Variants in TMEM132D observed in about 807,000 individuals in gnomAD.
TMEM132D encodes the protein transmembrane protein 132D.
TMEM132D carries 21 observed loss-of-function variants against 62.3 expected under a neutral mutation model. That is an observed-to-expected ratio of 0.34 (90% CI 0.24 to 0.49). The LOEUF is 0.49. Among genes scored for constraint, TMEM132D ranks in the 20% least tolerant of loss-of-function variants. The probability of loss-of-function intolerance (pLI) is 0.99; values close to 1 mark genes in which losing one functional copy is unlikely to be tolerated. For missense variants in TMEM132D, 1,346 were observed against 1,402.8 expected (o/e 0.96, Z 0.65); for synonymous variants, 621 against 575.6 (o/e 1.08, Z -1.13).
At chr12:129,490,423 C>CTTTTTTT (rs11311745) in intron 3 of TMEM132D, among the ~76,000 whole-genome samples, 7 of 58,550 alleles carry the variant, frequency 1.2e-4, no homozygotes, top group African/African-American at 3.0e-4. Flanking sequence ...ATTTCCTTTC[C>CTTTTTTT]TTTTTTTTTT....
chr12:129,839,117 ATTTTTTTTTTTTTTTT>A (rs71085578), intron 1 of TMEM132D, among the ~76,000 whole-genome samples: 609 of 20,750 alleles, frequency 0.029, 50 homozygotes, highest in African/African-American at 0.097. Context: ...CGCCTGGCTA[ATTTTTTTTTTTTTTTT>A]TTTTTTTTTT....
chr12:129,745,872 C>A (rs974614550), intron 1 of TMEM132D, among the ~76,000 whole-genome samples: 7 of 152,158 alleles, frequency 4.6e-5, no homozygotes, highest in Admixed American at 1.3e-4. Context: ...GTCTCTGATT[C>A]TGTGTGGATC....
chr12:129,147,634 C>T (rs4964848), intron 5 of TMEM132D, among the ~76,000 whole-genome samples: 35,609 of 151,990 alleles, frequency 0.23, 4,326 homozygotes, highest in South Asian at 0.33. Context: ...ACAACGTATT[C>T]GTGTTAGACA....
intron 4 of TMEM132D, among the ~76,000 whole-genome samples, chr12:129,324,552 CA>C (rs34619981): frequency 0.18 from 27,636 of 152,122 alleles, 3,396 homozygotes; most frequent in Non-Finnish European, 0.27. Flanking sequence ...AAGTGATGGT[CA>C]GGGGCAGTGG....
intron 2 of TMEM132D, among the ~76,000 whole-genome samples, chr12:129,554,774 G>T (rs981628979): frequency 6.6e-6 from 1 of 152,124 alleles, no homozygotes; most frequent in African/African-American, 2.4e-5. Flanking sequence ...GAGGCCAAAG[G>T]CTTAGGAGCA....
At chr12:129,492,836 T>C (rs77768221) in intron 3 of TMEM132D, among the ~76,000 whole-genome samples, 1 of 152,102 alleles carries the variant, frequency 6.6e-6, no homozygotes, top group Non-Finnish European at 1.5e-5. Flanking sequence ...CTTCCTGTAC[T>C]CTAAGGCTGG....
At chr12:129,471,660 C>T (rs1262188135) in intron 3 of TMEM132D, among the ~76,000 whole-genome samples, 1 of 152,188 alleles carries the variant, frequency 6.6e-6, no homozygotes, top group African/African-American at 2.4e-5. Context: ...ATGAGGAAGG[C>T]ATGTCAAAAG....
Position 129,696,958 on chromosome 12 carries a change from G to A in TMEM132D, c.968+2852C>T, listed in dbSNP as rs189415888. On this transcript the variant is annotated intron_variant, in intron 2 of 8. Coordinates refer to ENST00000422113, the MANE Select transcript of TMEM132D (RefSeq NM_133448.3). Reference sequence around the variant, plus strand: ...GTAAGATGACAAAAAGCCCCACCTGGGTTTTCTTGTTCTTAAAGAGTGAAA... The same window carrying A: ...GTAAGATGACAAAAAGCCCCACCTGAGTTTTCTTGTTCTTAAAGAGTGAAA... 1.3e-3 allele frequency among the ~76,000 whole-genome samples: 191 copies of A among 152,262 alleles called. 2 individuals are homozygous for A. The highest frequency in any genetic ancestry group is 4.4e-3 in the African/African-American group (182 of 41,540).
chr12:129,832,908 G>A (rs1872887661), intron 1 of TMEM132D, among the ~76,000 whole-genome samples: 1 of 152,146 alleles, frequency 6.6e-6, no homozygotes, highest in Non-Finnish European at 1.5e-5. Flanking sequence ...GTTCCACCTT[G>A]CTAAGAACTA....
intron 2 of TMEM132D, among the ~76,000 whole-genome samples, chr12:129,589,886 T>C (rs541700022): frequency 9.6e-4 from 146 of 152,324 alleles, no homozygotes; most frequent in Non-Finnish European, 2.0e-3. Flanking sequence ...GATTGTTCCC[T>C]GGACTTTTAT....
intron 1 of TMEM132D, among the ~76,000 whole-genome samples, chr12:129,745,181 G>T (rs1223836753): frequency 6.6e-6 from 1 of 152,064 alleles, no homozygotes; most frequent in Non-Finnish European, 1.5e-5. Context: ...ACCCAGTCTT[G>T]GATACTTCTT....
intron 1 of TMEM132D, among the ~76,000 whole-genome samples, chr12:129,863,744 G>C (rs1873972213): frequency 6.6e-6 from 1 of 152,136 alleles, no homozygotes; most frequent in South Asian, 2.1e-4. Flanking sequence ...TACATGAAAT[G>C]CTAGCATCAG....
chr12:129,139,779 C>A (rs1876684343), intron 5 of TMEM132D, among the ~76,000 whole-genome samples: 1 of 152,134 alleles, frequency 6.6e-6, no homozygotes, highest in Non-Finnish European at 1.5e-5. Context: ...GCAGCTTTGA[C>A]CTCTTGAGCT....
chr12:129,244,318 G>A (rs371036510), intron 4 of TMEM132D, among the ~76,000 whole-genome samples: 17 of 150,236 alleles, frequency 1.1e-4, no homozygotes, highest in African/African-American at 2.2e-4. Flanking sequence ...CCCGGGAGGC[G>A]GAGCTTGCAG....
chr12:129,073,858 G>A lies in TMEM132D; in HGVS notation c.*17C>T, dbSNP rs1272771731. ...GGCTGAAAGGTGAGTGAGAACCAAT[G>A]TCTGTGTGTGTCTGGCTTACACATT... On this transcript the variant is annotated 3_prime_UTR_variant, in exon 9 of 9. Coordinates refer to ENST00000422113, the MANE Select transcript of TMEM132D (RefSeq NM_133448.3). 1.3e-6 allele frequency: 2 copies of A among 1,517,168 alleles called. No individual in the cohort carries two copies. The highest frequency in any genetic ancestry group is 1.8e-6 in the Non-Finnish European group (2 of 1,132,640). The allele number at this position is 1,517,168 out of a possible 1,614,324, so 94.0% of individuals were successfully genotyped here.
intron 4 of TMEM132D, among the ~76,000 whole-genome samples, chr12:129,292,796 G>T (rs1246007374): frequency 3.3e-5 from 5 of 151,672 alleles, no homozygotes; most frequent in Non-Finnish European, 7.4e-5. Context: ...AGGAGAAAAT[G>T]AAAAAAGGAG....
At chr12:129,584,693 C>T (rs1052282841) in intron 2 of TMEM132D, among the ~76,000 whole-genome samples, 5 of 152,232 alleles carry the variant, frequency 3.3e-5, no homozygotes, top group Non-Finnish European at 5.9e-5. Flanking sequence ...CTCCACAGGG[C>T]TTGGCTTCAA....
chr12:129,084,505 G>T lies in TMEM132D; in HGVS notation c.1641C>A (p.Ser547=). ...TTCAGGGACATACCCACCTCCTGCT[G>T]GAGACGATGGGCACTCTCCAACCCT... ...QIKGWRVPIV[S]SRRPAGDSEE... The change falls in exon 6 of 9, where the codon TCC becomes TCA. Residue 547 remains serine (S), a synonymous_variant. Coordinates refer to ENST00000422113, the MANE Select transcript of TMEM132D (RefSeq NM_133448.3). 6.3e-7 allele frequency: 1 copy of T among 1,595,602 alleles called. No homozygotes were observed.
At chr12:129,745,862 G>T (rs7979367) in intron 1 of TMEM132D, among the ~76,000 whole-genome samples, 76,292 of 152,024 alleles carry the variant, frequency 0.5, 19,956 homozygotes, top group Non-Finnish European at 0.59. Flanking sequence ...TAGAGTGAAG[G>T]TCTCTGATTC....
Sources: gnomAD v4.1 joint callset for allele counts (sites outside exome capture counted in the v4.1 genomes callset) on GRCh38, gnomAD v4.1.1 for gene constraint, MANE v1.5 for transcripts, NCBI Gene and HGNC (gene_info 2026-07-23, HGNC 2026-07-21) for gene names.